The following IL34 variants were observed in gnomAD, a reference collection of about 807,000 sequenced individuals.
The protein encoded by IL34 is interleukin-34.
A neutral mutation model predicts 25.3 loss-of-function variants in IL34; 17 were observed. That is an observed-to-expected ratio of 0.67 (90% CI 0.46 to 1.01). The LOEUF (loss-of-function observed/expected upper bound fraction) is 1.01. Among genes scored for constraint, IL34 ranks in the 50% least tolerant of loss-of-function variants. The pLI is 0.00. For synonymous variants in IL34, 174 were observed against 140.9 expected, an observed-to-expected ratio of 1.23 and a Z score of -1.66; for missense variants, 368 against 312.9, an observed-to-expected ratio of 1.18 and a Z score of -1.33.
chr16:70,628,395 T>C (rs2051441882), intron 1 of IL34, among the ~76,000 whole-genome samples: 1 of 152,140 alleles, frequency 6.6e-6, no homozygotes, highest in African/African-American at 2.4e-5. Context: ...TTGATAAGTT[T>C]ATTTCTAGGT....
At chr16:70,630,298 C>T (rs116378355) in intron 1 of IL34, among the ~76,000 whole-genome samples, 5,161 of 152,120 alleles carry the variant, frequency 0.034, 321 homozygotes, top group African/African-American at 0.12. Flanking sequence ...AATGCACTGA[C>T]GTGATCTCTG....
intron 1 of IL34, among the ~76,000 whole-genome samples, chr16:70,580,481 C>T (rs975249615): frequency 6.6e-6 from 1 of 152,172 alleles, no homozygotes; most frequent in South Asian, 2.1e-4. Flanking sequence ...ATTACTTTAT[C>T]AAAAATTAAT....
intron 1 of IL34, among the ~76,000 whole-genome samples, chr16:70,598,575 T>C (rs1018978088): frequency 6.6e-5 from 10 of 151,784 alleles, no homozygotes; most frequent in African/African-American, 2.4e-4. Context: ...CCCGACTCTA[T>C]TAAAAATACA....
intron 1 of IL34, among the ~76,000 whole-genome samples, chr16:70,595,698 C>CT (rs1217960782): frequency 1.3e-5 from 2 of 151,764 alleles, no homozygotes; most frequent in Non-Finnish European, 2.9e-5. Context: ...TGGGATTTGT[C>CT]TTAGTCTGTT....
At chr16:70,605,418 T>C (rs773836636) in intron 1 of IL34, among the ~76,000 whole-genome samples, 4 of 152,208 alleles carry the variant, frequency 2.6e-5, no homozygotes, top group African/African-American at 9.7e-5. Flanking sequence ...TTCAGTCACA[T>C]CAGTGCATTC....
intron 1 of IL34, among the ~76,000 whole-genome samples, chr16:70,618,296 C>G (rs1251565655): frequency 6.6e-6 from 1 of 151,706 alleles, no homozygotes; most frequent in Admixed American, 6.6e-5. Flanking sequence ...GGGTTAATGT[C>G]AGGTGGATCT....
chr16:70,583,828 C>G (rs2050661650), intron 1 of IL34, among the ~76,000 whole-genome samples: 1 of 151,886 alleles, frequency 6.6e-6, no homozygotes, highest in Non-Finnish European at 1.5e-5. Flanking sequence ...ATTTTTGTAT[C>G]TTTAGTAGAG....
intron 1 of IL34, among the ~76,000 whole-genome samples, chr16:70,587,639 C>T (rs1245951646): frequency 1.3e-5 from 2 of 151,998 alleles, no homozygotes; most frequent in Non-Finnish European, 1.5e-5. Flanking sequence ...GTCACCATGC[C>T]TCTCCAGTCC....
intron 1 of IL34, among the ~76,000 whole-genome samples, chr16:70,610,702 CAAG>C (rs955687572): frequency 2.0e-5 from 3 of 152,130 alleles, no homozygotes; most frequent in African/African-American, 7.2e-5. Flanking sequence ...TTTGAGCTGA[CAAG>C]AAGAAACCAG....
intron 1 of IL34, among the ~76,000 whole-genome samples, chr16:70,614,988 C>T (rs1167736460): frequency 6.6e-6 from 1 of 152,158 alleles, no homozygotes; most frequent in African/African-American, 2.4e-5. Context: ...GAGTTTTCTT[C>T]CTGCTCCTGT....
At chr16:70,596,265 A>G (rs950371309) in intron 1 of IL34, among the ~76,000 whole-genome samples, 6 of 152,140 alleles carry the variant, frequency 3.9e-5, no homozygotes, top group African/African-American at 1.2e-4. Context: ...TCTTCCAAAG[A>G]CTTCACCTTC....
chr16:70,588,703 A>G (rs2050720468), intron 1 of IL34, among the ~76,000 whole-genome samples: 1 of 152,204 alleles, frequency 6.6e-6, no homozygotes, highest in Non-Finnish European at 1.5e-5. Context: ...AAATATACAC[A>G]ATGTGGTATG....
At chr16:70,641,535 CCCTT>C (rs926945732) in intron 1 of IL34, among the ~76,000 whole-genome samples, 36 of 140,258 alleles carry the variant, frequency 2.6e-4, no homozygotes, top group African/African-American at 6.4e-4. Flanking sequence ...CTCCCTCCCT[CCCTT>C]CCTTCCTTCC....
At position 70,659,609 on chromosome 16, in the gene IL34, C is replaced by G; in HGVS notation, c.403-9C>G. ...TCGCCACCGCTCCTGACTGTTTCCTCCTTTCCAGGATGTGGAGGTCAGCCC... is the reference window on the plus strand; with the variant it reads ...TCGCCACCGCTCCTGACTGTTTCCTGCTTTCCAGGATGTGGAGGTCAGCCC... On this transcript the variant is annotated splice_polypyrimidine_tract_variant and intron_variant, in intron 4 of 5. Coordinates refer to ENST00000288098, the MANE Select transcript of IL34 (RefSeq NM_001393494.1). 6.2e-7 allele frequency: 1 copy of G among 1,601,746 alleles called. No homozygotes were observed. Among genetic ancestry groups the G allele is most frequent in the Non-Finnish European group, 8.5e-7 (1 of 1,171,078 alleles).
Position 70,633,018 on chromosome 16 carries a change from G to A in IL34, c.-400-13530G>A, listed in dbSNP as rs1008232555. Among the ~76,000 whole-genome samples, 3 of 152,118 alleles carry A rather than the reference G, an allele frequency of 2.0e-5. No individual in the cohort carries two copies. The South Asian group carries it at 6.2e-4, about 32-fold the overall frequency. On this transcript the variant is annotated intron_variant, in intron 1 of 6. Coordinates refer to the IL34 transcript ENST00000429149. Reference sequence around the variant, plus strand: ...GCGTCTCTGTCACCCATGCTGGGGTGCAGAGGCACAACCATGGCTCACTGC... The same window carrying A: ...GCGTCTCTGTCACCCATGCTGGGGTACAGAGGCACAACCATGGCTCACTGC...
At chr16:70,609,556 C>T (rs963612143) in intron 1 of IL34, among the ~76,000 whole-genome samples, 8 of 152,126 alleles carry the variant, frequency 5.3e-5, no homozygotes, top group African/African-American at 1.9e-4. Context: ...CAAGCAAGTG[C>T]GTACCAAGTG....
chr16:70,607,251 AC>A (rs1413582746), intron 1 of IL34, among the ~76,000 whole-genome samples: 3 of 152,006 alleles, frequency 2.0e-5, no homozygotes, highest in African/African-American at 7.2e-5. Flanking sequence ...ACAGGTGCCC[AC>A]CACCACACCC....
chr16:70,656,938 A>G, intron 3 of IL34, 22 bp from the exon 4 acceptor site: 1 of 1,593,614 alleles, frequency 6.3e-7, no homozygotes, highest in Non-Finnish European at 8.6e-7. Flanking sequence ...CCCGAGTTGC[A>G]GTGACTTCCC....
intron 1 of IL34, among the ~76,000 whole-genome samples, chr16:70,615,149 A>AT (rs1238302698): frequency 2.6e-5 from 4 of 152,080 alleles, no homozygotes; most frequent in African/African-American, 4.8e-5. Context: ...TTTGCAACTT[A>AT]TTTTACTACC....
Sources: allele counts gnomAD v4.1 joint callset (sites outside exome capture counted in the v4.1 genomes callset), GRCh38; gene constraint gnomAD v4.1.1; transcripts MANE v1.5; gene names NCBI Gene and HGNC (gene_info 2026-07-23, HGNC 2026-07-21).